Variants in VASH2 observed in about 807,000 individuals in gnomAD.
VASH2 encodes the protein tubulinyl-Tyr carboxypeptidase 2.
A neutral mutation model predicts 37.2 loss-of-function variants in VASH2; 28 were observed. The observed-to-expected ratio is 0.75, with a 90% CI of 0.56 to 1.03. VASH2 has a LOEUF of 1.03. Ranked by LOEUF, VASH2 falls within the 50% of genes least tolerant of loss-of-function variation. The pLI, the probability that VASH2 is intolerant of heterozygous loss-of-function variation, is 0.00. For missense variants in VASH2, 419 were observed against 459.1 expected (o/e 0.91, Z 0.80); for synonymous variants, 188 against 174.7 (o/e 1.08, Z -0.60).
At chr1:212,964,320 C>G (rs1666769997) in intron 3 of VASH2, among the ~76,000 whole-genome samples, 1 of 152,220 alleles carries the variant, frequency 6.6e-6, no homozygotes, top group Non-Finnish European at 1.5e-5. Flanking sequence ...CGAAGTGCCG[C>G]TAGGCGCCCC....
intron 6 of VASH2, chr1:212,973,406 T>A (rs1667070377): frequency 1.5e-6 from 2 of 1,291,742 alleles, no homozygotes; most frequent in African/African-American, 3.0e-5. Context: ...TGATTCCCGC[T>A]TGTCCATGTC....
At chr1:212,973,394 T>C (rs1667069931) in intron 6 of VASH2, 1 of 1,291,692 alleles carries the variant, frequency 7.7e-7, no homozygotes, top group African/African-American at 1.5e-5. Flanking sequence ...TCCAAAGTGA[T>C]GTGATTCCCG....
intron 7 of VASH2, among the ~76,000 whole-genome samples, chr1:212,987,692 C>T (rs1667523114): frequency 6.6e-6 from 1 of 152,196 alleles, no homozygotes; most frequent in African/African-American, 2.4e-5. Flanking sequence ...TACTGAATAT[C>T]CTAAACTTGA....
Position 212,961,343 on chromosome 1 carries a change from C to A in VASH2, c.365+89C>A. ...GGTGGCAAATCTGTCCCCAGCTGGT[C>A]ATCAAAAGCTCTCTAAGGTTGGTGA... On this transcript the variant is annotated intron_variant, in intron 3 of 7. Transcript: ENST00000517399. 2.5e-6 allele frequency: 4 copies of A among 1,600,248 alleles called. No individual in the cohort carries two copies. In the South Asian group the frequency reaches 4.5e-5, roughly 18 times the overall value.
At chr1:212,988,489 A>G (rs61832445) in intron 7 of VASH2, 23 bp from the exon 8 acceptor site, 73,843 of 1,613,300 alleles carry the variant, frequency 0.046, 1,906 homozygotes, top group Non-Finnish European at 0.052. Flanking sequence ...CTCCTCCACC[A>G]TATTTCTGTC....
At chr1:212,965,855 T>C in intron 4 of VASH2, 77 bp downstream of exon 4, 2 of 1,378,090 alleles carry the variant, frequency 1.5e-6, no homozygotes, top group Non-Finnish European at 2.0e-6. Flanking sequence ...CCAACCTCTA[T>C]TCCCGTAGCC....
intron 2 of VASH2, among the ~76,000 whole-genome samples, chr1:212,955,231 G>A (rs1212576293): frequency 2.0e-5 from 3 of 152,170 alleles, no homozygotes. Flanking sequence ...GTAGATGGGG[G>A]AGGTTTTCAA....
At position 212,951,510 on chromosome 1, in the gene VASH2, C is replaced by T; in HGVS notation, c.-33C>T. 5.6e-6 allele frequency: 7 copies of T among 1,257,120 alleles called. No individual in the cohort carries two copies. The highest frequency in any genetic ancestry group is 7.0e-6 in the Non-Finnish European group (7 of 1,000,224). The allele number at this position is 1,257,120 out of a possible 1,614,324, so 77.9% of individuals were successfully genotyped here. On this transcript the variant is annotated 5_prime_UTR_variant, in exon 2 of 8. Transcript: ENST00000517399. This position sits in a 1 kb window ranked among gnomAD's most constrained non-coding sequence, Gnocchi z 4.4. ...CGCCGCCGCTGCCGCCGCCGCGCGC[C>T]CCCAGTACCTCGCTCCCCGCCCAGG...
chr1:212,951,502 C>G lies in VASH2; in HGVS notation c.-41C>G. 1 of 1,215,458 alleles carries G rather than the reference C, an allele frequency of 8.2e-7. No homozygotes were observed. Among genetic ancestry groups the G allele is most frequent in the Non-Finnish European group, 1.0e-6 (1 of 977,252 alleles). 75.3% of individuals were successfully genotyped at this position (1,215,458 alleles called of 1,614,324 possible). ...CCCGCCGCCGCCGCCGCTGCCGCCG[C>G]CGCGCGCCCCCAGTACCTCGCTCCC... On this transcript the variant is annotated 5_prime_UTR_variant, in exon 2 of 8. Transcript: ENST00000517399. This position sits in a 1 kb window ranked among gnomAD's most constrained non-coding sequence, Gnocchi z 4.4.
intron 2 of VASH2, among the ~76,000 whole-genome samples, chr1:212,957,456 A>G (rs566751926): frequency 6.6e-6 from 1 of 152,242 alleles, no homozygotes; most frequent in African/African-American, 2.4e-5. Context: ...CTCTCCATTA[A>G]GGTAAGAAGG....
intron 2 of VASH2, among the ~76,000 whole-genome samples, chr1:212,960,383 G>A (rs187978797): frequency 3.3e-5 from 5 of 152,276 alleles, no homozygotes; most frequent in Admixed American, 6.5e-5. Flanking sequence ...GTGAGCCAGA[G>A]GAGCTGCACT....
chr1:212,966,407 G>A, intron 5 of VASH2, 62 bp downstream of exon 5: 3 of 1,343,170 alleles, frequency 2.2e-6, no homozygotes, highest in African/African-American at 1.5e-5. Flanking sequence ...AATGGGGCTT[G>A]TTGTGCCTTT....
rs142106274 is a variant in VASH2 at position 212,980,266 on chromosome 1, T to C, written c.995+6196T>C. ...TGGGTGAATTGGAGTGAGCAGATAG[T>C]GATTTTCTGGTTTTGCAGCCAGAGT... On this transcript the variant is annotated intron_variant, in intron 7 of 7. Coordinates refer to ENST00000517399, the MANE Select transcript of VASH2 (RefSeq NM_001301056.2). Among the ~76,000 whole-genome samples, 711 of 152,230 alleles carry C rather than the reference T, an allele frequency of 4.7e-3. 5 individuals are homozygous for C. Among genetic ancestry groups the C allele is most frequent in the Middle Eastern group, 6.8e-3 (2 of 294 alleles).
Position 212,972,782 on chromosome 1 carries a change from G to C in VASH2, c.700G>C (p.Asp234His). 6.2e-7 allele frequency: 1 copy of C among 1,614,174 alleles called. No individual in the cohort carries two copies. The highest frequency in any genetic ancestry group is 1.1e-5 in the South Asian group (1 of 91,076). Residue 234 changes from aspartate (D) to histidine (H), a missense_variant, in exon 6 of 8, where the codon GAC becomes CAC. Transcript: ENST00000517399. ...GAGTGACCTCATCTTTGACTTTGAG[G>C]ACTCTTACAAGAAATACCTGCACAC... Reference protein sequence around the residue: ...TLSDLIFDFEDSYKKYLHTVK... With the variant: ...TLSDLIFDFEHSYKKYLHTVK...
intron 5 of VASH2, among the ~76,000 whole-genome samples, chr1:212,966,559 T>G (rs1666853604): frequency 6.6e-6 from 1 of 152,218 alleles, no homozygotes; most frequent in South Asian, 2.1e-4. Context: ...CAGTCTAACC[T>G]GTGAGCTTCA....
intron 7 of VASH2, among the ~76,000 whole-genome samples, chr1:212,984,185 G>T (rs1240355891): frequency 6.6e-6 from 1 of 152,182 alleles, no homozygotes; most frequent in Non-Finnish European, 1.5e-5. Flanking sequence ...GAGTTCAAAG[G>T]TTCCCAAATT....
At chr1:212,988,455 T>C (rs2075819497) in intron 7 of VASH2, 57 bp from the exon 8 acceptor site, 1 of 1,569,332 alleles carries the variant, frequency 6.4e-7, no homozygotes, top group Non-Finnish European at 8.8e-7. Context: ...GAAAATGCTG[T>C]TGTCTTTCTT....
chr1:212,958,545 C>T (rs942153862), intron 2 of VASH2, among the ~76,000 whole-genome samples: 3 of 152,198 alleles, frequency 2.0e-5, no homozygotes, highest in Non-Finnish European at 2.9e-5. Flanking sequence ...ATTTGGTGGT[C>T]AGTCCTTCAG....
intron 7 of VASH2, among the ~76,000 whole-genome samples, chr1:212,986,558 CA>C (rs543857281): frequency 1.5e-3 from 224 of 152,296 alleles, no homozygotes; most frequent in Non-Finnish European, 2.4e-3. Context: ...TTTGAATCCC[CA>C]AGCAAACATG....
Sources: allele counts gnomAD v4.1 joint callset (sites outside exome capture counted in the v4.1 genomes callset), GRCh38; gene constraint gnomAD v4.1.1; non-coding constraint Gnocchi (gnomAD v3.1); transcripts MANE v1.5; gene names NCBI Gene and HGNC (gene_info 2026-07-23, HGNC 2026-07-21).